Variants in ZNF124 observed in about 807,000 individuals in gnomAD.
ZNF124 encodes zinc finger protein 124, also known as zinc finger protein HZF-16.
In ZNF124, 25 loss-of-function variants were observed where a neutral mutation model predicts 26.6. The ratio of observed to expected loss-of-function variants is 0.94; its 90% CI spans 0.68 to 1.31. ZNF124 has a LOEUF of 1.31. Among genes scored for constraint, ZNF124 ranks in the 40% most tolerant of loss-of-function variants. The pLI is 0.00. For synonymous variants in ZNF124, 129 were observed against 133.3 expected (o/e 0.97, Z 0.22); for missense variants, 444 against 422.2 (o/e 1.05, Z -0.45).
intron 3 of ZNF124, 179 bp from the exon 4 acceptor site, chr1:247,157,582 CCAT>C: frequency 1.6e-6 from 1 of 633,640 alleles, no homozygotes; most frequent in Non-Finnish European, 2.8e-6. Flanking sequence ...AATGACAACC[CCAT>C]CATTAATGGT....
intron 3 of ZNF124, among the ~76,000 whole-genome samples, chr1:247,124,725 G>T (rs1317754270): frequency 6.6e-6 from 1 of 152,234 alleles, no homozygotes; most frequent in Admixed American, 6.5e-5. Context: ...GGGTTTGTGT[G>T]TGTGTGTATG....
chr1:247,136,670 G>A (rs1274286018), intron 3 of ZNF124, among the ~76,000 whole-genome samples: 1 of 152,164 alleles, frequency 6.6e-6, no homozygotes, highest in African/African-American at 2.4e-5. Flanking sequence ...AAATTGGCCA[G>A]GCACAGTGGC....
rs1445233216 is a variant in ZNF124 at position 247,128,510 on chromosome 1, G to C, written c.219-4639C>G. 2.7e-5 allele frequency among the ~76,000 whole-genome samples: 4 copies of C among 146,942 alleles called. No homozygotes were observed. In the East Asian group the frequency reaches 8.1e-4, roughly 30 times the overall value. On this transcript the variant is annotated intron_variant, in intron 3 of 3. Coordinates refer to the ZNF124 transcript ENST00000472531. ...GAAGACAAGGTGAGGTTTAGGGGTG[G>C]AGCCTCTCAGAGGAGCAGCTGGATG... is the stretch of plus-strand genomic sequence containing the variant.
At chr1:247,170,732 G>A (rs938190794) in intron 1 of ZNF124, among the ~76,000 whole-genome samples, 9 of 142,904 alleles carry the variant, frequency 6.3e-5, no homozygotes, top group African/African-American at 2.6e-4. Flanking sequence ...CAAGCAGGGG[G>A]TACATAACTG....
rs891522217 is a variant in ZNF124 at position 247,156,893 on chromosome 1, G to A, written c.729C>T (p.Phe243=). Residue 243 remains phenylalanine, a synonymous_variant, in exon 4 of 4, where the codon TTC becomes TTT. Coordinates refer to ENST00000543802, the MANE Select transcript of ZNF124 (RefSeq NM_001297568.2). ...GTCCTTGCAAGGAACTGAGACAACT[G>A]AAAGCTTTGCCACATTCCATGCACA... The part of the protein sequence containing the change: ...PYVCMECGKA[F]SCLSSLQGHI... The A allele has an allele frequency of 6.2e-7, 1 of 1,613,764 alleles. No individual in the cohort carries two copies. Among genetic ancestry groups the A allele is most frequent in the Non-Finnish European group, 8.5e-7 (1 of 1,179,978 alleles).
downstream of ZNF124, among the ~76,000 whole-genome samples, chr1:247,153,566 C>G (rs12410313): frequency 0.11 from 17,401 of 152,170 alleles, 1,272 homozygotes; most frequent in African/African-American, 0.18. Context: ...GTAACAATTG[C>G]CTTATAACAT....
At chr1:247,122,184 G>A (rs1227772715) in exon 4 of ZNF124, 1 of 152,110 alleles carries the variant, frequency 6.6e-6, no homozygotes, top group Non-Finnish European at 1.5e-5. Context: ...TATGAATAAT[G>A]GAAATTTGAT....
Position 247,122,168 on chromosome 1 carries a change from G to C in ZNF124, c.*1700C>G, listed in dbSNP as rs551639658. Reference sequence around the variant, plus strand: ...AATACTACACCACTTAATAAATAATGAATGGTATGAATAATGGAAATTTGA... The same window carrying C: ...AATACTACACCACTTAATAAATAATCAATGGTATGAATAATGGAAATTTGA... On this transcript the variant is annotated 3_prime_UTR_variant, in exon 4 of 4. Transcript: ENST00000472531. 5 of 152,260 alleles carry C rather than the reference G, an allele frequency of 3.3e-5. No individual in the cohort carries two copies. In the East Asian group the frequency reaches 9.6e-4, roughly 29 times the overall value. 9.4% of individuals were successfully genotyped at this position (152,260 alleles called of 1,614,324 possible).
At position 247,137,439 on chromosome 1, in the gene ZNF124, C is replaced by T. The variant is rs188499146; in HGVS notation, c.219-13568G>A. On this transcript the variant is annotated intron_variant, in intron 3 of 3. Coordinates refer to the ZNF124 transcript ENST00000472531. Reference sequence around the variant, plus strand: ...TGGGTGGATCATGAGGTTAGGCATTCGAGATCAGCCTGGCCAACATAGCGA... The same window carrying T: ...TGGGTGGATCATGAGGTTAGGCATTTGAGATCAGCCTGGCCAACATAGCGA... Among the ~76,000 whole-genome samples the T allele has an allele frequency of 1.3e-3, 162 of 126,734 alleles. 1 individual carries two copies. Among genetic ancestry groups the T allele is most frequent in the African/African-American group, 4.5e-3 (146 of 32,642 alleles). The allele number at this position is 126,734 out of a possible 152,430, so 83.1% of individuals were successfully genotyped here.
rs1673079969 is a variant in ZNF124, at chr1:247,155,589, T to C, written c.*977A>G. 6.6e-6 allele frequency among the ~76,000 whole-genome samples: 1 copy of C among 152,072 alleles called. No individual in the cohort carries two copies. Among genetic ancestry groups the C allele is most frequent in the African/African-American group, 2.4e-5 (1 of 41,428 alleles). ...ACAGAAGTCTTGCCTCAGCTGGGCG[T>C]GGTGGCTCACGCCTGTAATCCCAGC... is the stretch of plus-strand genomic sequence containing the variant. On this transcript the variant is annotated 3_prime_UTR_variant, in exon 4 of 4. Coordinates refer to ENST00000543802, the MANE Select transcript of ZNF124 (RefSeq NM_001297568.2).
intron 1 of ZNF124, among the ~76,000 whole-genome samples, chr1:247,171,077 AAACTT>A (rs964427592): frequency 1.0e-4 from 2 of 19,846 alleles, no homozygotes; most frequent in African/African-American, 4.0e-4. Flanking sequence ...AAGGGAAAGA[AAACTT>A]AACCCCAAAT....
intron 3 of ZNF124, among the ~76,000 whole-genome samples, chr1:247,136,206 G>A (rs1256191106): frequency 6.6e-6 from 1 of 152,108 alleles, no homozygotes; most frequent in East Asian, 1.9e-4. Context: ...TAGGAAGAGA[G>A]GAAGTCTGTT....
Position 247,157,151 on chromosome 1 carries a change from T to C in ZNF124, c.471A>G (p.Lys157=). ...TAAGAGAACGGGAAAAACCTAAGGCTTTCCCACATTCCATACATTCATAGG... is the reference window on the plus strand; with the variant it reads ...TAAGAGAACGGGAAAAACCTAAGGCCTTCCCACATTCCATACATTCATAGG... The part of the protein sequence containing the change: ...EKPYECMECG[K]ALGFSRSLNR... Residue 157 remains lysine (K), a synonymous_variant, in exon 4 of 4, where the codon AAA becomes AAG. Coordinates refer to ENST00000543802, the MANE Select transcript of ZNF124 (RefSeq NM_001297568.2). The C allele has an allele frequency of 1.2e-6, 2 of 1,614,112 alleles. No homozygotes were observed. The highest frequency in any genetic ancestry group is 2.2e-5 in the South Asian group (2 of 91,070).
intron 3 of ZNF124, chr1:247,138,007 G>A (rs946016360): frequency 6.6e-6 from 1 of 152,136 alleles, no homozygotes; most frequent in African/African-American, 2.4e-5. Context: ...ACTGTTGGTG[G>A]GAATGTAAAT....
chr1:247,153,026 G>A (rs776041266), downstream of ZNF124, among the ~76,000 whole-genome samples: 19 of 151,886 alleles, frequency 1.3e-4, no homozygotes, highest in South Asian at 8.3e-4. Flanking sequence ...CCAGCTACTC[G>A]GGAGGCTGAG....
intron 1 of ZNF124, among the ~76,000 whole-genome samples, chr1:247,162,002 T>C (rs1461508101): frequency 3.3e-5 from 5 of 152,136 alleles, no homozygotes; most frequent in Admixed American, 2.0e-4. Context: ...GGAAAAGAAA[T>C]TCCAACCATG....
chr1:247,123,543 C>G (rs927201307), exon 4 of ZNF124: 4 of 313,528 alleles, frequency 1.3e-5, no homozygotes, highest in African/African-American at 4.3e-5. Context: ...ACACACGTAT[C>G]GAACATTGGT....
In ZNF124 at chr1:247,162,777, A is replaced by G. The variant is rs569653329; in HGVS notation, c.31-2964T>C. On this transcript the variant is annotated intron_variant, in intron 1 of 3. Coordinates refer to ENST00000543802, the MANE Select transcript of ZNF124 (RefSeq NM_001297568.2). ...ATACGTATGCACCCAACACAAGAGC[A>G]CTCAGATTCATACGGCAAATTCTTA... Among the ~76,000 whole-genome samples the G allele has an allele frequency of 5.3e-5, 8 of 152,308 alleles. No individual in the cohort carries two copies. The South Asian group carries it at 8.3e-4, about 16-fold the overall frequency.
chr1:247,143,687 AAG>A (rs1672686241), intron 3 of ZNF124, among the ~76,000 whole-genome samples: 1 of 152,202 alleles, frequency 6.6e-6, no homozygotes, highest in African/African-American at 2.4e-5. Flanking sequence ...GGAAAAAGGC[AAG>A]AGTCGGGCTA....
Sources: allele counts gnomAD v4.1 joint callset (sites outside exome capture counted in the v4.1 genomes callset), GRCh38; gene constraint gnomAD v4.1.1; transcripts MANE v1.5; gene names NCBI Gene and HGNC (gene_info 2026-07-23, HGNC 2026-07-21).